The following TSEN15 variants were observed in gnomAD, a reference collection of about 807,000 sequenced individuals.
The protein encoded by TSEN15 is tRNA splicing endonuclease subunit 15.
A neutral mutation model predicts 20.5 loss-of-function variants in TSEN15; 10 were observed. The observed-to-expected ratio is 0.49, with a 90% CI of 0.30 to 0.83. TSEN15 has a LOEUF of 0.83. Among genes scored for constraint, TSEN15 ranks in the 40% least tolerant of loss-of-function variants. TSEN15 has a pLI of 0.06. For synonymous variants in TSEN15, 72 were observed against 80.1 expected (o/e 0.90, Z 0.54); for missense variants, 180 against 218.6 (o/e 0.82, Z 1.11).
intron 3 of TSEN15, among the ~76,000 whole-genome samples, chr1:184,058,982 A>G (rs574679621): frequency 4.6e-5 from 7 of 151,812 alleles, no homozygotes; most frequent in Non-Finnish European, 1.0e-4. Context: ...TACTTTCATG[A>G]CATCCTCATG....
At chr1:184,052,888 C>G (rs1157990980) in intron 1 of TSEN15, among the ~76,000 whole-genome samples, 1 of 152,144 alleles carries the variant, frequency 6.6e-6, no homozygotes, top group Non-Finnish European at 1.5e-5. Flanking sequence ...ACTTATCAAC[C>G]TTGTGATTTG....
intron 3 of TSEN15, among the ~76,000 whole-genome samples, chr1:184,088,442 A>C (rs1027668555): frequency 6.6e-6 from 1 of 152,048 alleles, no homozygotes; most frequent in African/African-American, 2.4e-5. Flanking sequence ...AAAAATGGGG[A>C]GGAGGAAGAG....
At chr1:184,055,689 C>T (rs1455529471) in intron 3 of TSEN15, among the ~76,000 whole-genome samples, 2 of 151,760 alleles carry the variant, frequency 1.3e-5, no homozygotes, top group African/African-American at 2.4e-5. Context: ...TTTTTTAGGA[C>T]CTTTTTTTAA....
intron 3 of TSEN15, among the ~76,000 whole-genome samples, chr1:184,068,967 C>T (rs906825822): frequency 3.3e-5 from 5 of 152,198 alleles, no homozygotes; most frequent in Non-Finnish European, 5.9e-5. Flanking sequence ...ATGCGGTCTT[C>T]AACTTCTTGT....
chr1:184,074,975 A>C (rs572590919), downstream of TSEN15, among the ~76,000 whole-genome samples: 1 of 152,238 alleles, frequency 6.6e-6, no homozygotes, highest in Admixed American at 6.5e-5. Flanking sequence ...ATAAATTCTT[A>C]GGGTCTCTTG....
intron 3 of TSEN15, among the ~76,000 whole-genome samples, chr1:184,088,250 C>T (rs1651299187): frequency 6.6e-6 from 1 of 152,088 alleles, no homozygotes. Flanking sequence ...TAGGAGCTCC[C>T]TGGGCAGGCT....
intron 3 of TSEN15, chr1:184,071,233 C>T (rs766412683): frequency 1.4e-4 from 22 of 151,840 alleles, no homozygotes; most frequent in Admixed American, 2.6e-4. Context: ...CCTTATAGCA[C>T]GTTAAGAAGT....
At chr1:184,057,529 A>G (rs888056332) in intron 3 of TSEN15, among the ~76,000 whole-genome samples, 4 of 152,118 alleles carry the variant, frequency 2.6e-5, no homozygotes, top group Non-Finnish European at 5.9e-5. Flanking sequence ...TGGGACTGAC[A>G]CTTAACATTT....
chr1:184,067,941 A>AAAAAAAAAAATATAT (rs1400681024), intron 3 of TSEN15, among the ~76,000 whole-genome samples: 1 of 95,602 alleles, frequency 1.0e-5, no homozygotes, highest in African/African-American at 4.2e-5. Context: ...AAAAAAAAAA[A>AAAAAAAAAAATATAT]ATATATATAT....
At chr1:184,095,308 A>C (rs1289689547) in intron 3 of TSEN15, 1 of 393,130 alleles carries the variant, frequency 2.5e-6, no homozygotes, top group African/African-American at 2.1e-5. Context: ...CACCGCTAAC[A>C]ACTTATTGTT....
chr1:184,071,039 A>G (rs1391715342), intron 3 of TSEN15: 1 of 154,380 alleles, frequency 6.5e-6, no homozygotes, highest in African/African-American at 2.4e-5. Flanking sequence ...AAAGTTGTAT[A>G]TATACTACAT....
intron 3 of TSEN15, among the ~76,000 whole-genome samples, chr1:184,062,969 C>T (rs1650520109): frequency 6.6e-6 from 1 of 152,068 alleles, no homozygotes; most frequent in South Asian, 2.1e-4. Context: ...AACTATTAAT[C>T]TCCTTTTCTT....
intron 3 of TSEN15, among the ~76,000 whole-genome samples, chr1:184,068,874 G>T (rs1420139047): frequency 6.6e-6 from 1 of 152,172 alleles, no homozygotes; most frequent in East Asian, 1.9e-4. Context: ...GAAGAGGATA[G>T]GAGATACTTT....
At chr1:184,076,344 C>T (rs1402399622), downstream of TSEN15, among the ~76,000 whole-genome samples, 2 of 151,822 alleles carry the variant, frequency 1.3e-5, no homozygotes, top group Non-Finnish European at 1.5e-5. Context: ...TTTGGTGTGC[C>T]ACAAATTGTG....
intron 3 of TSEN15, among the ~76,000 whole-genome samples, chr1:184,058,520 G>A (rs998722786): frequency 6.6e-6 from 1 of 151,948 alleles, no homozygotes; most frequent in Non-Finnish European, 1.5e-5. Flanking sequence ...AGTCTTTTAG[G>A]TAGTAGGCAT....
chr1:184,088,174 G>T (rs1027107629), intron 3 of TSEN15, among the ~76,000 whole-genome samples: 4 of 151,426 alleles, frequency 2.6e-5, no homozygotes, highest in Admixed American at 2.6e-4. Context: ...CCCTGGCCCA[G>T]AATGACCGGC....
rs1403526224 is a variant in TSEN15 at position 184,051,843 on chromosome 1, G to T, written c.88G>T (p.Ala30Ser). The T allele has an allele frequency of 6.4e-7, 1 of 1,550,782 alleles. No individual in the cohort carries two copies. The highest frequency in any genetic ancestry group is 8.7e-7 in the Non-Finnish European group (1 of 1,148,140). The change falls in exon 1 of 5, where the codon GCT becomes TCT. Residue 30 changes from alanine to serine, a missense_variant. Ala to Ser is a moderately conservative substitution (Grantham distance 99, BLOSUM62 1). Transcript: ENST00000645668. ...TCGCGGCTTTGGCGACGGCGGTGGAGCTCCTTCGTGGGCCCCTGAGGACGC... is the reference window on the plus strand; with the variant it reads ...TCGCGGCTTTGGCGACGGCGGTGGATCTCCTTCGTGGGCCCCTGAGGACGC... The part of the protein sequence containing the change: ...GVRGFGDGGG[A>S]PSWAPEDAWM...
chr1:184,059,277 G>T (rs1650359044), intron 3 of TSEN15, among the ~76,000 whole-genome samples: 2 of 152,048 alleles, frequency 1.3e-5, no homozygotes, highest in African/African-American at 2.4e-5. Flanking sequence ...GGTTTAGTAG[G>T]GTAACTGCAA....
chr1:184,085,638 A>T (rs1052936379), intron 3 of TSEN15, among the ~76,000 whole-genome samples: 4 of 152,230 alleles, frequency 2.6e-5, no homozygotes, highest in Non-Finnish European at 2.9e-5. Context: ...GAGTCATGCA[A>T]ATAACTAGAG....
Sources: allele counts gnomAD v4.1 joint callset (sites outside exome capture counted in the v4.1 genomes callset), GRCh38; gene constraint gnomAD v4.1.1; transcripts MANE v1.5; gene names NCBI Gene and HGNC (gene_info 2026-07-23, HGNC 2026-07-21).